Variants in MCMDC2 observed in about 807,000 individuals in gnomAD.
MCMDC2 encodes minichromosome maintenance domain containing 2.
A neutral mutation model predicts 75.8 loss-of-function variants in MCMDC2; 54 were observed. The observed-to-expected ratio is 0.71, with a 90% CI of 0.57 to 0.89. The LOEUF (loss-of-function observed/expected upper bound fraction) is 0.89, where lower values mean the gene tolerates loss of function less well. MCMDC2 is among the 40% of genes least tolerant of loss of function. MCMDC2 has a pLI of 0.00. For missense variants in MCMDC2, 656 were observed against 780.4 expected (o/e 0.84, Z 1.90); for synonymous variants, 249 against 274.6 (o/e 0.91, Z 0.92).
chr8:66,890,829 A>G, intron 9 of MCMDC2, 36 bp from the exon 10 acceptor site: 1 of 1,527,694 alleles, frequency 6.5e-7, no homozygotes. Flanking sequence ...TTGAAAATTA[A>G]ATAATAGTAA....
At chr8:66,909,429 G>T (rs572480694) in intron 14 of MCMDC2, among the ~76,000 whole-genome samples, 8 of 152,340 alleles carry the variant, frequency 5.3e-5, no homozygotes, top group African/African-American at 1.9e-4. Context: ...GGGCTCAGAA[G>T]AAGATAGGAA....
chr8:66,924,977 A>T (rs1006370058), downstream of MCMDC2, among the ~76,000 whole-genome samples: 1 of 152,184 alleles, frequency 6.6e-6, no homozygotes, highest in Non-Finnish European at 1.5e-5. Context: ...CTGACACCTA[A>T]GGGATAATCA....
chr8:66,877,615 T>A (rs1811354122), intron 5 of MCMDC2, 71 bp downstream of exon 5: 5 of 1,153,518 alleles, frequency 4.3e-6, no homozygotes, highest in South Asian at 1.6e-5. Context: ...CTGTAATCCC[T>A]GCACTTTGGG....
At position 66,921,501 on chromosome 8, in the gene MCMDC2, C is replaced by T. The variant is rs1310686892; in HGVS notation, c.*2332C>T. The T allele has an allele frequency of 6.6e-6, 1 of 152,200 alleles. No individual in the cohort carries two copies. The highest frequency in any genetic ancestry group is 2.4e-5 in the African/African-American group (1 of 41,446). The allele number at this position is 152,200 out of a possible 1,614,324, so 9.4% of individuals were successfully genotyped here. ...GTACTCAACAGGAGAAAAGATTTAG[C>T]TCTAAACCTTCACCCAGATATAAAT... is the stretch of plus-strand genomic sequence containing the variant. On this transcript the variant is annotated 3_prime_UTR_variant, in exon 15 of 15. Coordinates refer to ENST00000422365, the MANE Select transcript of MCMDC2 (RefSeq NM_173518.5).
chr8:66,919,235 G>A lies in MCMDC2; in HGVS notation c.*66G>A. ...GAGAAAAAGTGTGACTATTTTGAGA[G>A]TGACTTTGAAGTAATGCTTTGATAA... On this transcript the variant is annotated 3_prime_UTR_variant, in exon 15 of 15. Transcript: ENST00000422365. The A allele has an allele frequency of 7.7e-7, 1 of 1,302,890 alleles. No individual in the cohort carries two copies. Among genetic ancestry groups the A allele is most frequent in the Non-Finnish European group, 1.0e-6 (1 of 953,186 alleles). The allele number at this position is 1,302,890 out of a possible 1,614,324, so 80.7% of individuals were successfully genotyped here.
At chr8:66,874,691 T>A (rs893972398) in intron 4 of MCMDC2, 105 bp downstream of exon 4, 6 of 1,026,328 alleles carry the variant, frequency 5.8e-6, no homozygotes, top group African/African-American at 1.6e-5. Context: ...GGATACTACT[T>A]TTTTTCAAAA....
intron 14 of MCMDC2, among the ~76,000 whole-genome samples, chr8:66,913,679 A>G (rs1285999488): frequency 6.6e-6 from 1 of 152,118 alleles, no homozygotes; most frequent in Non-Finnish European, 1.5e-5. Flanking sequence ...AAAAGTGAAC[A>G]CATGGGCCGG....
chr8:66,914,927 C>T (rs1813248232), intron 14 of MCMDC2, among the ~76,000 whole-genome samples: 1 of 152,044 alleles, frequency 6.6e-6, no homozygotes, highest in South Asian at 2.1e-4. Context: ...AGGAAAACTC[C>T]CATGTTTCTG....
intron 14 of MCMDC2, among the ~76,000 whole-genome samples, chr8:66,914,309 A>G (rs867401146): frequency 1.3e-5 from 2 of 151,500 alleles, no homozygotes; most frequent in Non-Finnish European, 2.9e-5. Flanking sequence ...AAAAAACTAA[A>G]GACACTAATG....
At chr8:66,886,960 T>C (rs1466409675) in intron 9 of MCMDC2, among the ~76,000 whole-genome samples, 2 of 152,176 alleles carry the variant, frequency 1.3e-5, no homozygotes, top group Non-Finnish European at 2.9e-5. Context: ...CTAATTTGCA[T>C]TTCCGAGGTG....
chr8:66,879,826 ATCTCCT>A (rs1170329681), intron 7 of MCMDC2, among the ~76,000 whole-genome samples: 1 of 152,162 alleles, frequency 6.6e-6, no homozygotes, highest in Non-Finnish European at 1.5e-5. Flanking sequence ...AGACAATGGG[ATCTCCT>A]ATTATTCTGT....
intron 14 of MCMDC2, among the ~76,000 whole-genome samples, chr8:66,915,433 C>A (rs1480582542): frequency 6.8e-6 from 1 of 147,968 alleles, no homozygotes; most frequent in African/African-American, 2.5e-5. Flanking sequence ...GCCTAGGTGA[C>A]AAAGCCAGAC....
chr8:66,876,807 C>CTGGA (rs1467085893), intron 4 of MCMDC2, among the ~76,000 whole-genome samples: 8 of 152,108 alleles, frequency 5.3e-5, no homozygotes, highest in Non-Finnish European at 1.0e-4. Context: ...GTTGCCCAGG[C>CTGGA]TGGAGTGCAG....
At chr8:66,875,186 AT>A (rs1388319452) in intron 4 of MCMDC2, among the ~76,000 whole-genome samples, 2 of 152,164 alleles carry the variant, frequency 1.3e-5, no homozygotes, top group South Asian at 4.1e-4. Context: ...TGCATCATCA[AT>A]TTTTTTCTAA....
At chr8:66,892,330 C>T (rs1364880858) in intron 10 of MCMDC2, among the ~76,000 whole-genome samples, 1 of 152,172 alleles carries the variant, frequency 6.6e-6, no homozygotes, top group Non-Finnish European at 1.5e-5. Context: ...GCCCTTTTTG[C>T]TCCCACTTGC....
intron 9 of MCMDC2, chr8:66,884,221 A>G: frequency 5.5e-6 from 3 of 542,614 alleles, no homozygotes; most frequent in Non-Finnish European, 9.7e-6. Flanking sequence ...ACCTTTGTAA[A>G]TAAATACATC....
In MCMDC2 at chr8:66,874,138, A is replaced by G. The variant is rs1811156026; in HGVS notation, c.-3A>G. On this transcript the variant is annotated 5_prime_UTR_variant, in exon 2 of 15. Transcript: ENST00000422365. The stretch of plus-strand genomic sequence containing the variant: ...ATCAATTAGAAATATTAACCAGGAG[A>G]AAATGTCAAATCTAAAAATGAAAGA... The G allele has an allele frequency of 1.3e-6, 2 of 1,586,042 alleles. No homozygotes were observed. Among genetic ancestry groups the G allele is most frequent in the African/African-American group, 2.7e-5 (2 of 73,394 alleles).
chr8:66,904,767 G>C (rs1335896977), intron 13 of MCMDC2, among the ~76,000 whole-genome samples: 1 of 152,154 alleles, frequency 6.6e-6, no homozygotes, highest in Non-Finnish European at 1.5e-5. Flanking sequence ...AATAGCCCAG[G>C]ATGTTGTAGA....
intron 12 of MCMDC2, among the ~76,000 whole-genome samples, chr8:66,899,234 A>G (rs1196801106): frequency 6.6e-6 from 1 of 152,168 alleles, no homozygotes; most frequent in Non-Finnish European, 1.5e-5. Flanking sequence ...TTCTGCCTCA[A>G]TTACTCATGT....
Sources: allele counts gnomAD v4.1 joint callset (sites outside exome capture counted in the v4.1 genomes callset), GRCh38; gene constraint gnomAD v4.1.1; transcripts MANE v1.5; gene names NCBI Gene and HGNC (gene_info 2026-07-23, HGNC 2026-07-21).